The following CCDC112 variants were observed in gnomAD, a reference collection of about 807,000 sequenced individuals.
The protein encoded by CCDC112 is coiled-coil domain containing 112.
CCDC112 carries 40 observed loss-of-function variants against 66.3 expected under a neutral mutation model. The ratio of observed to expected loss-of-function variants is 0.60; its 90% CI spans 0.47 to 0.79. CCDC112 has a LOEUF of 0.79. Ranked by LOEUF, CCDC112 falls within the 30% of genes least tolerant of loss-of-function variation. The pLI is 0.00. For synonymous variants in CCDC112, 214 were observed against 197.2 expected (o/e 1.09, Z -0.71); for missense variants, 659 against 603.8 (o/e 1.09, Z -0.96).
At chr5:115,287,981 CCTTT>C (rs757330635) in intron 1 of CCDC112, among the ~76,000 whole-genome samples, 1 of 151,816 alleles carries the variant, frequency 6.6e-6, no homozygotes, top group Non-Finnish European at 1.5e-5. Flanking sequence ...ATCTAAAATG[CCTTT>C]TTTTTTCCCC....
chr5:115,285,171 C>A (rs1362445148), intron 1 of CCDC112, among the ~76,000 whole-genome samples: 1 of 152,094 alleles, frequency 6.6e-6, no homozygotes, highest in East Asian at 1.9e-4. Context: ...TTCAGTCGGT[C>A]ATTTAACAAA....
In CCDC112 at chr5:115,284,811, C is replaced by T. The variant is rs759929048; in HGVS notation, c.215G>A (p.Arg72His). The part of the protein sequence containing the change: ...VNQTKKAEFV[R>H]TAEKFKNQVI... ...CTGATTTTTAAATTTTTCTGCTGTGCGTACAAATTCTGCTTTCTTAGTCTG... is the reference window on the plus strand; with the variant it reads ...CTGATTTTTAAATTTTTCTGCTGTGTGTACAAATTCTGCTTTCTTAGTCTG... The change falls in exon 2 of 10, where the codon CGC becomes CAC. Residue 72 changes from arginine (R) to histidine (H), a missense_variant. Transcript: ENST00000379611. 1.1e-5 allele frequency: 18 copies of T among 1,606,588 alleles called. No homozygotes were observed. Among genetic ancestry groups the T allele is most frequent in the Admixed American group, 6.7e-5 (4 of 59,932 alleles).
At chr5:115,288,563 A>G (rs1749784593) in intron 1 of CCDC112, among the ~76,000 whole-genome samples, 1 of 152,258 alleles carries the variant, frequency 6.6e-6, no homozygotes, top group Non-Finnish European at 1.5e-5. Context: ...AGTGGTTTTT[A>G]TAAGGAAACA....
At chr5:115,278,915 TA>T (rs1232564149) in intron 3 of CCDC112, among the ~76,000 whole-genome samples, 1 of 152,188 alleles carries the variant, frequency 6.6e-6, no homozygotes, top group Admixed American at 6.5e-5. Context: ...TGATAACCAT[TA>T]TTTTTCCTTT....
At chr5:115,296,275 G>A in intron 1 of CCDC112, 152 bp downstream of exon 1, 1 of 1,318,766 alleles carries the variant, frequency 7.6e-7, no homozygotes, top group Non-Finnish European at 9.7e-7. Context: ...AAACGCACAA[G>A]CCAACAAAGA....
intron 1 of CCDC112, among the ~76,000 whole-genome samples, chr5:115,293,098 T>C (rs1750004989): frequency 6.6e-6 from 1 of 152,166 alleles, no homozygotes; most frequent in African/African-American, 2.4e-5. Flanking sequence ...GAAACAGAGA[T>C]GCAAATCCTG....
At chr5:115,271,679 C>G in intron 6 of CCDC112, 53 bp from the exon 7 acceptor site, 1 of 1,177,298 alleles carries the variant, frequency 8.5e-7, no homozygotes, top group South Asian at 1.8e-5. Flanking sequence ...TTTTAATAGC[C>G]AAAAGTATTT....
intron 2 of CCDC112, among the ~76,000 whole-genome samples, chr5:115,281,592 T>C (rs1019097892): frequency 6.6e-6 from 1 of 152,192 alleles, no homozygotes; most frequent in Non-Finnish European, 1.5e-5. Flanking sequence ...AAAATTACTA[T>C]GATAAAAAGA....
At chr5:115,288,507 T>C (rs575850541) in intron 1 of CCDC112, among the ~76,000 whole-genome samples, 2 of 152,276 alleles carry the variant, frequency 1.3e-5, no homozygotes, top group East Asian at 3.9e-4. Flanking sequence ...TAACCAAAGA[T>C]GTCACAGAGT....
chr5:115,284,306 T>C (rs1749583969), intron 2 of CCDC112, among the ~76,000 whole-genome samples: 1 of 152,096 alleles, frequency 6.6e-6, no homozygotes, highest in South Asian at 2.1e-4. Context: ...GGAAAGATGT[T>C]TATCCTCTAT....
intron 1 of CCDC112, among the ~76,000 whole-genome samples, chr5:115,287,073 C>A (rs1003037237): frequency 5.3e-5 from 8 of 152,122 alleles, no homozygotes; most frequent in Non-Finnish European, 7.4e-5. Context: ...CTTCGAAGCC[C>A]CAAAATTTTA....
chr5:115,277,373 A>C (rs1490898291), intron 3 of CCDC112, among the ~76,000 whole-genome samples: 1 of 152,028 alleles, frequency 6.6e-6, no homozygotes, highest in African/African-American at 2.4e-5. Flanking sequence ...GTTTCAGCAT[A>C]GTTTTTGTTC....
chr5:115,291,875 T>G (rs1404294950), intron 1 of CCDC112, among the ~76,000 whole-genome samples: 1 of 152,194 alleles, frequency 6.6e-6, no homozygotes, highest in African/African-American at 2.4e-5. Context: ...TTAATCTTAT[T>G]GAGGAATTCC....
intron 2 of CCDC112, among the ~76,000 whole-genome samples, chr5:115,282,767 T>C (rs1000297120): frequency 6.6e-6 from 1 of 152,090 alleles, no homozygotes; most frequent in Non-Finnish European, 1.5e-5. Context: ...ACTGAGACTT[T>C]CCACTGGGTA....
chr5:115,281,079 A>C (rs1440761292), intron 2 of CCDC112, among the ~76,000 whole-genome samples: 1 of 149,848 alleles, frequency 6.7e-6, no homozygotes, highest in South Asian at 2.1e-4. Flanking sequence ...GCTGGAGTGC[A>C]GTGGTGCGAT....
chr5:115,276,010 C>G lies in CCDC112; in HGVS notation c.511G>C (p.Glu171Gln). 1 of 1,603,630 alleles carries G rather than the reference C, an allele frequency of 6.2e-7. No homozygotes were observed. Among genetic ancestry groups the G allele is most frequent in the Non-Finnish European group, 8.5e-7 (1 of 1,173,738 alleles). The part of the protein sequence containing the change: ...EIENAINTFK[E>Q]EQRLIYEELI... ...AAAACATACATCAACCTCTGCTCTT[C>G]TTTAAAAGTGTTAATTGCATTTTCA... is the stretch of plus-strand genomic sequence containing the variant. Residue 171 changes from glutamate to glutamine, a missense_variant, in exon 5 of 10, where the codon GAA becomes CAA. By Grantham distance (29) the Glu-to-Gln change is conservative (BLOSUM62 2). Transcript: ENST00000379611.
At chr5:115,274,206 A>G (rs928894170) in intron 6 of CCDC112, among the ~76,000 whole-genome samples, 5 of 152,140 alleles carry the variant, frequency 3.3e-5, no homozygotes, top group African/African-American at 1.2e-4. Context: ...TTTGATAATC[A>G]TAATTAAGGA....
intron 3 of CCDC112, among the ~76,000 whole-genome samples, chr5:115,278,541 T>C (rs958429646): frequency 2.0e-5 from 3 of 152,088 alleles, no homozygotes; most frequent in African/African-American, 7.2e-5. Context: ...ACAAATAAAG[T>C]TGCCATAATA....
intron 1 of CCDC112, among the ~76,000 whole-genome samples, chr5:115,293,777 A>G (rs1383161267): frequency 6.6e-6 from 1 of 152,224 alleles, no homozygotes; most frequent in African/African-American, 2.4e-5. Context: ...TCACAGGTGA[A>G]AATAGTTATT....
Sources: gnomAD v4.1 joint callset for allele counts (sites outside exome capture counted in the v4.1 genomes callset) on GRCh38, gnomAD v4.1.1 for gene constraint, MANE v1.5 for transcripts, NCBI Gene and HGNC (gene_info 2026-07-23, HGNC 2026-07-21) for gene names.